The following TLK1 variants were observed in gnomAD, a reference collection of about 807,000 sequenced individuals.
TLK1 encodes serine/threonine-protein kinase tousled-like 1.
In TLK1, 24 loss-of-function variants were observed where a neutral mutation model predicts 105.3. That is an observed-to-expected ratio of 0.23 (90% CI 0.17 to 0.32). TLK1 has a LOEUF of 0.32. TLK1 is among the 10% of genes least tolerant of loss of function. The pLI, the probability that TLK1 is intolerant of heterozygous loss-of-function variation, is 1.00. For missense variants in TLK1, 558 were observed against 910.5 expected (o/e 0.61, Z 4.98); for synonymous variants, 321 against 310.4 (o/e 1.03, Z -0.36).
intron 14 of TLK1, 109 bp from the exon 15 acceptor site, chr2:171,007,172 C>T: frequency 2.6e-6 from 2 of 768,824 alleles, no homozygotes; most frequent in Middle Eastern, 3.8e-4. Flanking sequence ...TAGGACAAAC[C>T]CTACAATTAT....
intron 1 of TLK1, 63 bp from the exon 2 acceptor site, chr2:171,117,920 CACAAAT>C: frequency 9.0e-7 from 1 of 1,108,488 alleles, no homozygotes; most frequent in Non-Finnish European, 1.3e-6. Flanking sequence ...TACTTACACA[CACAAAT>C]ATATATATGT....
chr2:171,180,673 A>G (rs1188422345), intron 1 of TLK1, among the ~76,000 whole-genome samples: 1 of 152,196 alleles, frequency 6.6e-6, no homozygotes. Context: ...AAGTTTCAGT[A>G]GTCCAGGAGG....
intron 2 of TLK1, among the ~76,000 whole-genome samples, chr2:171,104,211 G>C (rs912792215): frequency 6.6e-6 from 1 of 151,830 alleles, no homozygotes; most frequent in South Asian, 2.1e-4. Context: ...GGGAGGCAGA[G>C]GTTGCAGTGA....
chr2:171,062,991 C>A (rs970586199), intron 3 of TLK1, among the ~76,000 whole-genome samples: 4 of 152,158 alleles, frequency 2.6e-5, no homozygotes, highest in African/African-American at 9.7e-5. Flanking sequence ...AATAATCAAT[C>A]TTCTGTTTTC....
intron 11 of TLK1, among the ~76,000 whole-genome samples, chr2:171,037,972 T>C (rs933382361): frequency 1.3e-5 from 2 of 152,286 alleles, no homozygotes; most frequent in African/African-American, 4.8e-5. Context: ...TTAGATGCGG[T>C]TATTTGGACC....
In TLK1 at chr2:171,028,416, T is replaced by C. The variant is rs778984616; in HGVS notation, c.1170-11A>G. ...TCTGCCAAAGTCAACCTGTCAAAAA[T>C]GAAATTTTAATTCTACATATTGAGA... On this transcript the variant is annotated splice_polypyrimidine_tract_variant and intron_variant, in intron 11 of 20. Coordinates refer to ENST00000431350, the MANE Select transcript of TLK1 (RefSeq NM_012290.5). 3.8e-6 allele frequency: 6 copies of C among 1,584,890 alleles called. No individual in the cohort carries two copies. In the African/African-American group the frequency reaches 8.1e-5, roughly 21 times the overall value.
At chr2:171,063,563 GA>G (rs1428597607) in intron 3 of TLK1, among the ~76,000 whole-genome samples, 3 of 152,054 alleles carry the variant, frequency 2.0e-5, no homozygotes, top group South Asian at 2.1e-4. Context: ...AAATAGGGGG[GA>G]AAAACCCATA....
At chr2:171,185,574 A>C (rs949021434) in intron 1 of TLK1, among the ~76,000 whole-genome samples, 42 of 152,132 alleles carry the variant, frequency 2.8e-4, no homozygotes, top group Admixed American at 2.6e-3. Flanking sequence ...TTCTGCCTAG[A>C]ATATCTTCCA....
chr2:171,207,264 C>A (rs1485307138), intron 1 of TLK1, among the ~76,000 whole-genome samples: 1 of 152,150 alleles, frequency 6.6e-6, no homozygotes, highest in South Asian at 2.1e-4. Flanking sequence ...AACTAAAATA[C>A]ATATTACTAA....
At chr2:171,000,415 C>T (rs1178104935) in intron 18 of TLK1, among the ~76,000 whole-genome samples, 5 of 150,982 alleles carry the variant, frequency 3.3e-5, no homozygotes, top group Admixed American at 1.3e-4. Flanking sequence ...CTGCTAATAG[C>T]CCACTGTTGA....
chr2:170,999,690 A>T (rs1684263576), intron 18 of TLK1, among the ~76,000 whole-genome samples: 2 of 152,250 alleles, frequency 1.3e-5, no homozygotes, highest in South Asian at 4.1e-4. Flanking sequence ...TATATCAAAT[A>T]CAGTTGACCC....
intron 1 of TLK1, among the ~76,000 whole-genome samples, chr2:171,152,148 G>A (rs1245001396): frequency 6.6e-6 from 1 of 152,094 alleles, no homozygotes; most frequent in African/African-American, 2.4e-5. Flanking sequence ...ATTTACTCCA[G>A]CTAATTAGTT....
At chr2:171,219,601 C>G (rs539335202) in intron 1 of TLK1, among the ~76,000 whole-genome samples, 36 of 151,254 alleles carry the variant, frequency 2.4e-4, no homozygotes, top group African/African-American at 7.8e-4. Flanking sequence ...TCCCTCCCCC[C>G]ACCTTTTTTT....
At chr2:171,022,801 T>C (rs1489533246) in intron 12 of TLK1, 1 of 244,802 alleles carries the variant, frequency 4.1e-6, no homozygotes, top group Non-Finnish European at 8.3e-6. Context: ...ATAAGTCAGA[T>C]GACAATGGTG....
chr2:171,011,536 C>A (rs1249500764), intron 13 of TLK1, 82 bp from the exon 14 acceptor site: 1 of 1,057,124 alleles, frequency 9.5e-7, no homozygotes, highest in Admixed American at 2.6e-5. Flanking sequence ...CTCTCTTATT[C>A]TATTCCTAGC....
intron 1 of TLK1, among the ~76,000 whole-genome samples, chr2:171,228,069 G>A (rs1386506689): frequency 6.6e-6 from 1 of 152,132 alleles, no homozygotes; most frequent in Non-Finnish European, 1.5e-5. Context: ...CCAGCTACTT[G>A]GGAGGCTGAG....
At chr2:171,187,848 T>A (rs1015853720) in intron 1 of TLK1, among the ~76,000 whole-genome samples, 1 of 152,214 alleles carries the variant, frequency 6.6e-6, no homozygotes, top group African/African-American at 2.4e-5. Flanking sequence ...ATTGAATGAA[T>A]GAATGGATGA....
intron 8 of TLK1, among the ~76,000 whole-genome samples, chr2:171,052,346 C>G (rs1687282274): frequency 6.6e-6 from 1 of 152,170 alleles, no homozygotes; most frequent in South Asian, 2.1e-4. Context: ...ATGCCCTGTA[C>G]TCTGGCTATG....
rs150700664 is a variant in TLK1 at position 171,186,132 on chromosome 2, C to A, written c.-6+45013G>T. Among the ~76,000 whole-genome samples the A allele has an allele frequency of 4.9e-3, 740 of 152,294 alleles. 6 individuals carry two copies. The highest frequency in any genetic ancestry group is 0.017 in the African/African-American group (688 of 41,554). On this transcript the variant is annotated intron_variant, in intron 1 of 20. Coordinates refer to the TLK1 transcript ENST00000521943. ...CAAATTCAAAAGAATATGACTCAGG[C>A]TCTAAAAGTAAACCCAGAGGGGAGG...
Sources: allele counts gnomAD v4.1 joint callset (sites outside exome capture counted in the v4.1 genomes callset), GRCh38; gene constraint gnomAD v4.1.1; transcripts MANE v1.5; gene names NCBI Gene and HGNC (gene_info 2026-07-23, HGNC 2026-07-21).